Variants in MELK observed in about 807,000 individuals in gnomAD.
MELK encodes the protein pEg3 kinase.
A neutral mutation model predicts 85.0 loss-of-function variants in MELK; 81 were observed. The ratio of observed to expected loss-of-function variants is 0.95; its 90% confidence interval spans 0.80 to 1.15. The LOEUF (loss-of-function observed/expected upper bound fraction) is 1.15. MELK is among the 50% of genes most tolerant of loss of function. The pLI, the probability that MELK is intolerant of heterozygous loss-of-function variation, is 0.00. For synonymous variants in MELK, 252 were observed against 265.0 expected (o/e 0.95, Z 0.48); for missense variants, 754 against 777.5 (o/e 0.97, Z 0.36).
chr9:36,616,091 G>GA (rs971133582), intron 8 of MELK, among the ~76,000 whole-genome samples: 6 of 152,080 alleles, frequency 3.9e-5, no homozygotes, highest in African/African-American at 9.7e-5. Context: ...CGGTGGCAAA[G>GA]AAAAAAATTA....
At chr9:36,581,620 G>A in intron 1 of MELK, 24 bp from the exon 2 acceptor site, 1 of 1,157,200 alleles carries the variant, frequency 8.6e-7, no homozygotes, top group Non-Finnish European at 1.3e-6. Flanking sequence ...TTCCTTTATT[G>A]ATTATGTACT....
At chr9:36,615,447 C>T (rs1339156125) in intron 8 of MELK, among the ~76,000 whole-genome samples, 44 of 137,428 alleles carry the variant, frequency 3.2e-4, no homozygotes, top group East Asian at 1.4e-3. Context: ...GGGGGGCTGA[C>T]CCCCCCACCT....
intron 8 of MELK, among the ~76,000 whole-genome samples, chr9:36,613,544 T>C (rs1372327971): frequency 1.3e-5 from 2 of 151,896 alleles, no homozygotes; most frequent in Non-Finnish European, 1.5e-5. Context: ...GAGAAAAAAA[T>C]TGAGTAGGAT....
chr9:36,581,704 T>C lies in MELK; in HGVS notation c.23T>C (p.Leu8Pro). ...ACTATGAAAGATTATGATGAACTTCTCAAATATTATGAATTACATGAAACT... is the reference window on the plus strand; with the variant it reads ...ACTATGAAAGATTATGATGAACTTCCCAAATATTATGAATTACATGAAACT... MKDYDEL[L>P]KYYELHETIG... Residue 8 changes from leucine (L) to proline (P), a missense_variant, in exon 2 of 18, where the codon CTC becomes CCC. Leu to Pro is a moderately conservative substitution (Grantham distance 98). Transcript: ENST00000298048. The C allele has an allele frequency of 6.3e-7, 1 of 1,599,854 alleles. No homozygotes were observed. The highest frequency in any genetic ancestry group is 8.6e-7 in the Non-Finnish European group (1 of 1,168,152).
Position 36,583,655 on chromosome 9 carries a change from C to A in MELK, c.87C>A (p.Cys29Ter). 6.2e-7 allele frequency: 1 copy of A among 1,612,424 alleles called. No homozygotes were observed. Among genetic ancestry groups the A allele is most frequent in the Non-Finnish European group, 8.5e-7 (1 of 1,179,044 alleles). The change falls in exon 3 of 18, where the codon TGC becomes TGA. Residue 29 changes from cysteine (C) to a stop codon, truncating the protein, a stop_gained. Transcript: ENST00000298048. LOFTEE classifies it high-confidence loss of function. ...GCTTTGCAAAGGTCAAACTTGCCTGCCATATCCTTACTGGAGAGATGGTAG... is the reference window on the plus strand; with the variant it reads ...GCTTTGCAAAGGTCAAACTTGCCTGACATATCCTTACTGGAGAGATGGTAG... ...TGGFAKVKLA[C>*]HILTGEMVAI...
At chr9:36,660,227 C>T (rs1168854884) in intron 13 of MELK, among the ~76,000 whole-genome samples, 2 of 152,202 alleles carry the variant, frequency 1.3e-5, no homozygotes, top group African/African-American at 4.8e-5. Flanking sequence ...ATCTTATTCT[C>T]TAACTTTTTT....
intron 8 of MELK, among the ~76,000 whole-genome samples, chr9:36,624,574 T>A (rs529203414): frequency 5.9e-5 from 9 of 152,308 alleles, no homozygotes; most frequent in Non-Finnish European, 8.8e-5. Context: ...GGTGCCAGCT[T>A]ATAGCAAAGC....
At chr9:36,592,444 C>T (rs541030662) in intron 4 of MELK, among the ~76,000 whole-genome samples, 7 of 151,944 alleles carry the variant, frequency 4.6e-5, no homozygotes, top group Admixed American at 2.0e-4. Context: ...CCAAAGTGCT[C>T]GGGATTACAG....
At chr9:36,666,856 TG>T (rs1309231794) in intron 14 of MELK, among the ~76,000 whole-genome samples, 3 of 3,110 alleles carry the variant, frequency 9.6e-4, no homozygotes, top group African/African-American at 2.0e-3. Context: ...TCTGTGTTTG[TG>T]TGTGTGTGTG....
chr9:36,674,101 A>G (rs981383583), intron 16 of MELK, among the ~76,000 whole-genome samples: 1 of 152,234 alleles, frequency 6.6e-6, no homozygotes, highest in African/African-American at 2.4e-5. Flanking sequence ...CCTGAAAGAT[A>G]TAGAAACTAT....
At chr9:36,624,073 T>C in intron 8 of MELK, among the ~76,000 whole-genome samples, 1 of 151,604 alleles carries the variant, frequency 6.6e-6, no homozygotes, top group East Asian at 1.9e-4. Context: ...TAGGTATCGT[T>C]ATTATACTTC....
chr9:36,606,395 CATATGTATAGGTGTGTGTATATATAT>C (rs1305952770), intron 7 of MELK, among the ~76,000 whole-genome samples: 13 of 107,844 alleles, frequency 1.2e-4, no homozygotes, highest in African/African-American at 4.9e-4. Flanking sequence ...ATAATATATA[CATATGTATAGGTGTGTGTATATATAT>C]ACATATGTAT....
chr9:36,582,169 C>T (rs1283901704), intron 2 of MELK, among the ~76,000 whole-genome samples: 1 of 152,014 alleles, frequency 6.6e-6, no homozygotes, highest in Non-Finnish European at 1.5e-5. Flanking sequence ...GGGGTTTCAC[C>T]GTGTTAATCA....
At chr9:36,608,857 A>G (rs1825816377) in intron 8 of MELK, among the ~76,000 whole-genome samples, 1 of 152,234 alleles carries the variant, frequency 6.6e-6, no homozygotes, top group Non-Finnish European at 1.5e-5. Flanking sequence ...TGCTGGGATT[A>G]CAGGCATGAG....
At chr9:36,616,310 G>T (rs539660768) in intron 8 of MELK, among the ~76,000 whole-genome samples, 45 of 151,738 alleles carry the variant, frequency 3.0e-4, no homozygotes, top group African/African-American at 9.7e-4. Context: ...CATGATTTGT[G>T]CATGGATTGG....
In MELK at chr9:36,594,739, A is replaced by G; in HGVS notation, c.373A>G (p.Ser125Gly). Residue 125 changes from serine to glycine, a missense_variant, in exon 5 of 18, where the codon AGC becomes GGC. Ser to Gly is a moderately conservative substitution (Grantham distance 56). Transcript: ENST00000298048. ...AGTATCTGCTGTTGCTTATGTGCAC[A>G]GCCAGGGCTATGCTCACAGGGACCT... The part of the protein sequence containing the change: ...QIVSAVAYVH[S>G]QGYAHRDLKP... 2 of 1,614,080 alleles carry G rather than the reference A, an allele frequency of 1.2e-6. No individual in the cohort carries two copies. The highest frequency in any genetic ancestry group is 1.7e-6 in the Non-Finnish European group (2 of 1,180,020).
At chr9:36,583,444 C>T (rs1346617458) in intron 2 of MELK, among the ~76,000 whole-genome samples, 183 bp from the exon 3 acceptor site, 3 of 143,410 alleles carry the variant, frequency 2.1e-5, no homozygotes, top group Non-Finnish European at 4.5e-5. Context: ...TTGAGATACA[C>T]TATCATGGTT....
In MELK at chr9:36,657,249, T is replaced by A. The variant is rs138281295; in HGVS notation, c.1062T>A (p.Asn354Lys). 6.2e-7 allele frequency: 1 copy of A among 1,611,200 alleles called. No homozygotes were observed. Among genetic ancestry groups the A allele is most frequent in the South Asian group, 1.1e-5 (1 of 90,164 alleles). ...TGTCTTTCATTGAGTAGTCAAATAA[T>A]TGGAGTCTGGAAGATGTGACCGCAA... ...ATPFTDIKSN[N>K]WSLEDVTASD... Residue 354 changes from asparagine (N) to lysine (K), a missense_variant, in exon 13 of 18, where the codon AAT becomes AAA. Coordinates refer to ENST00000298048, the MANE Select transcript of MELK (RefSeq NM_014791.4).
At chr9:36,595,482 C>T (rs1404374695) in intron 5 of MELK, among the ~76,000 whole-genome samples, 1 of 151,946 alleles carries the variant, frequency 6.6e-6, no homozygotes, top group Non-Finnish European at 1.5e-5. Context: ...TTCTTTCGCC[C>T]TGGCCTCCCA....
Sources: gnomAD v4.1 joint callset for allele counts (sites outside exome capture counted in the v4.1 genomes callset) on GRCh38, gnomAD v4.1.1 for gene constraint, MANE v1.5 for transcripts, NCBI Gene and HGNC (gene_info 2026-07-23, HGNC 2026-07-21) for gene names.